The following GRIN2B variants were observed in gnomAD, a reference collection of about 807,000 sequenced individuals.
GRIN2B encodes the protein glutamate ionotropic receptor NMDA type subunit 2B.
GRIN2B carries 5 observed loss-of-function variants against 114.5 expected under a neutral mutation model. The ratio of observed to expected loss-of-function variants is 0.04; its 90% CI spans 0.02 to 0.09. The LOEUF is 0.09. Among genes scored for constraint, GRIN2B ranks in the 10% least tolerant of loss-of-function variants. The pLI is 1.00. For synonymous variants in GRIN2B, 787 were observed against 745.1 expected (o/e 1.06, Z -0.92); for missense variants, 1,108 against 1,943.5 (o/e 0.57, Z 8.08).
At chr12:13,940,646 G>C (rs568783341) in intron 2 of GRIN2B, among the ~76,000 whole-genome samples, 6 of 152,232 alleles carry the variant, frequency 3.9e-5, no homozygotes, top group Non-Finnish European at 7.4e-5. Flanking sequence ...AAGCTCCCAG[G>C]AGAAGCCAGG....
chr12:13,717,955 G>C (rs1016883656), intron 4 of GRIN2B, among the ~76,000 whole-genome samples: 2 of 152,004 alleles, frequency 1.3e-5, no homozygotes, highest in African/African-American at 4.8e-5. Flanking sequence ...TGCTCCGTCA[G>C]GCATTTTCTC....
chr12:13,690,248 C>T (rs977835747), intron 4 of GRIN2B, among the ~76,000 whole-genome samples: 3 of 151,452 alleles, frequency 2.0e-5, no homozygotes, highest in African/African-American at 7.3e-5. Flanking sequence ...GCTACTTCCT[C>T]ACTTCTCATT....
intron 5 of GRIN2B, among the ~76,000 whole-genome samples, chr12:13,675,430 T>C (rs566456326): frequency 6.6e-6 from 1 of 152,164 alleles, no homozygotes; most frequent in Non-Finnish European, 1.5e-5. Context: ...ACTATACCAC[T>C]AATTCAGTTT....
chr12:13,745,713 C>T (rs1287674170), intron 4 of GRIN2B, among the ~76,000 whole-genome samples: 1 of 152,194 alleles, frequency 6.6e-6, no homozygotes, highest in Non-Finnish European at 1.5e-5. Context: ...AGCTCTAATG[C>T]TTTGATGCTA....
chr12:13,670,845 T>G (rs1950016207), intron 5 of GRIN2B, among the ~76,000 whole-genome samples: 1 of 152,200 alleles, frequency 6.6e-6, no homozygotes, highest in Admixed American at 6.5e-5. Context: ...AATCAAATTC[T>G]GATCCAGAGA....
intron 2 of GRIN2B, among the ~76,000 whole-genome samples, chr12:13,869,044 G>C (rs1865866879): frequency 1.3e-5 from 2 of 152,072 alleles, no homozygotes; most frequent in Admixed American, 6.5e-5. Context: ...CTGTAGAATT[G>C]AGCATTGCTT....
chr12:13,938,580 C>T (rs1462060331), intron 2 of GRIN2B, among the ~76,000 whole-genome samples: 1 of 152,016 alleles, frequency 6.6e-6, no homozygotes, highest in Admixed American at 6.6e-5. Flanking sequence ...CTGATATGTG[C>T]AATAAAATAG....
chr12:13,809,603 C>T (rs1864687795), intron 3 of GRIN2B, among the ~76,000 whole-genome samples: 1 of 151,982 alleles, frequency 6.6e-6, no homozygotes, highest in South Asian at 2.1e-4. Flanking sequence ...AAAATATTAG[C>T]CTGAGAGATG....
chr12:13,676,215 T>A (rs1950072821), intron 4 of GRIN2B, among the ~76,000 whole-genome samples: 1 of 151,808 alleles, frequency 6.6e-6, no homozygotes, highest in Non-Finnish European at 1.5e-5. Flanking sequence ...AGGGAGAGCA[T>A]CAGGAAAAAC....
chr12:13,792,585 T>TA (rs1864339555), intron 3 of GRIN2B, among the ~76,000 whole-genome samples: 1 of 152,226 alleles, frequency 6.6e-6, no homozygotes, highest in African/African-American at 2.4e-5. Flanking sequence ...GTTGAAGCTT[T>TA]AACTTCATGA....
In GRIN2B at chr12:13,552,341, A is replaced by G; in HGVS notation, c.*10442T>C. The G allele has an allele frequency of 6.6e-6, 1 of 152,096 alleles. No individual in the cohort carries two copies. The highest frequency in any genetic ancestry group is 2.4e-5 in the African/African-American group (1 of 41,406). The allele number at this position is 152,096 out of a possible 1,614,324, so 9.4% of individuals were successfully genotyped here. A position where few individuals can be genotyped will look rare whatever the true frequency, so the allele number is the denominator to read the frequency against. ...CTCCGCTTTGGTCCTTGCTCTTTCAAGTTTCCCTACTTTCCGAAGCTATCA... is the reference window on the plus strand; with the variant it reads ...CTCCGCTTTGGTCCTTGCTCTTTCAGGTTTCCCTACTTTCCGAAGCTATCA... On this transcript the variant is annotated 3_prime_UTR_variant, in exon 14 of 14. Transcript: ENST00000609686.
chr12:13,571,043 T>G (rs1806213), intron 11 of GRIN2B, among the ~76,000 whole-genome samples: 10,163 of 152,220 alleles, frequency 0.067, 466 homozygotes, highest in East Asian at 0.2. Context: ...TAAAATAGAA[T>G]CTAACAGTAT....
intron 3 of GRIN2B, among the ~76,000 whole-genome samples, chr12:13,769,228 C>T (rs982631153): frequency 6.6e-6 from 1 of 151,982 alleles, no homozygotes; most frequent in African/African-American, 2.4e-5. Flanking sequence ...GGTTTAGTCC[C>T]CTGGCCTGAG....
chr12:13,727,587 A>C (rs1863014386), intron 4 of GRIN2B, among the ~76,000 whole-genome samples: 2 of 152,200 alleles, frequency 1.3e-5, no homozygotes, highest in East Asian at 3.8e-4. Flanking sequence ...AAATTGTAAG[A>C]AATATATAAA....
At chr12:13,977,668 G>T (rs568712604) in intron 2 of GRIN2B, among the ~76,000 whole-genome samples, 2 of 152,192 alleles carry the variant, frequency 1.3e-5, no homozygotes, top group East Asian at 3.9e-4. Flanking sequence ...GTGCTGTGAG[G>T]GGGAAAAAGG....
chr12:13,826,075 T>G (rs907799715), intron 3 of GRIN2B, among the ~76,000 whole-genome samples: 1 of 152,122 alleles, frequency 6.6e-6, no homozygotes, highest in East Asian at 1.9e-4. Context: ...TAGAGTTCTG[T>G]ATTACTTCCA....
In GRIN2B at chr12:13,546,903, G is replaced by A. The variant is rs768901737; in HGVS notation, c.*15880C>T. 2.0e-5 allele frequency: 3 copies of A among 152,188 alleles called. No individual in the cohort carries two copies. The highest frequency in any genetic ancestry group is 4.4e-5 in the Non-Finnish European group (3 of 68,044). 9.4% of individuals were successfully genotyped at this position (152,188 alleles called of 1,614,324 possible). A position where few individuals can be genotyped will look rare whatever the true frequency, so the allele number is the denominator to read the frequency against. ...ACCAGAGCACCAGGACACATGCTCAGAGGTGGCTTAATATTCCAGAGCACA... is the reference window on the plus strand; with the variant it reads ...ACCAGAGCACCAGGACACATGCTCAAAGGTGGCTTAATATTCCAGAGCACA... On this transcript the variant is annotated 3_prime_UTR_variant, in exon 14 of 14. Transcript: ENST00000609686.
intron 2 of GRIN2B, among the ~76,000 whole-genome samples, chr12:13,881,001 T>G (rs1484058730): frequency 1.3e-5 from 2 of 149,148 alleles, no homozygotes; most frequent in Non-Finnish European, 3.0e-5. Context: ...AGGTTGTGTG[T>G]GTGTGTGTGT....
chr12:13,776,346 G>T (rs1435521481), intron 3 of GRIN2B, among the ~76,000 whole-genome samples: 1 of 152,102 alleles, frequency 6.6e-6, no homozygotes, highest in Non-Finnish European at 1.5e-5. Flanking sequence ...GTGATGGGAT[G>T]ATCTGTGCAG....
Sources: gnomAD v4.1 joint callset for allele counts (sites outside exome capture counted in the v4.1 genomes callset) on GRCh38, gnomAD v4.1.1 for gene constraint, MANE v1.5 for transcripts, NCBI Gene and HGNC (gene_info 2026-07-23, HGNC 2026-07-21) for gene names.